The following TCF20 variants were observed in gnomAD, a reference collection of about 807,000 sequenced individuals.
TCF20 encodes SPRE-binding protein.
A neutral mutation model predicts 148.6 loss-of-function variants in TCF20; 3 were observed. The ratio of observed to expected loss-of-function variants is 0.02; its 90% CI spans 0.01 to 0.05. The LOEUF (loss-of-function observed/expected upper bound fraction) is 0.05. Ranked by LOEUF, TCF20 falls within the 10% of genes least tolerant of loss-of-function variation. TCF20 has a pLI of 1.00. For missense variants in TCF20, 2,350 were observed against 2,429.3 expected, an observed-to-expected ratio of 0.97 and a Z score of 0.69; for synonymous variants, 1,049 against 909.5, an observed-to-expected ratio of 1.15 and a Z score of -2.76.
chr22:42,225,608 G>A (rs1469370799), intron 1 of TCF20, among the ~76,000 whole-genome samples: 5 of 134,936 alleles, frequency 3.7e-5, no homozygotes, highest in African/African-American at 5.7e-5. Flanking sequence ...GCGACAGAGC[G>A]AGACTCCGTC....
At chr22:42,305,930 G>C (rs1927423428) in intron 1 of TCF20, among the ~76,000 whole-genome samples, 1 of 152,180 alleles carries the variant, frequency 6.6e-6, no homozygotes, top group Non-Finnish European at 1.5e-5. Context: ...GGGTGCTCCT[G>C]GGGGCTCGGA....
chr22:42,325,078 G>T (rs1291814312), intron 1 of TCF20, among the ~76,000 whole-genome samples: 1 of 152,268 alleles, frequency 6.6e-6, no homozygotes. Context: ...CGGGTGGGAG[G>T]ATGCTGAGCT....
At chr22:42,186,212 T>G (rs902377863) in intron 2 of TCF20, among the ~76,000 whole-genome samples, 27 of 152,186 alleles carry the variant, frequency 1.8e-4, no homozygotes, top group Admixed American at 1.6e-3. Context: ...GTGCATACTG[T>G]CCAGGTATGA....
chr22:42,193,160 G>A (rs1937421985), intron 2 of TCF20, among the ~76,000 whole-genome samples: 1 of 143,254 alleles, frequency 7.0e-6, no homozygotes, highest in South Asian at 2.1e-4. Flanking sequence ...CAACAGAAAA[G>A]GAAAAAGGAA....
intron 1 of TCF20, among the ~76,000 whole-genome samples, chr22:42,309,150 G>A (rs992507103): frequency 2.6e-5 from 4 of 152,148 alleles, no homozygotes; most frequent in African/African-American, 9.7e-5. Flanking sequence ...TGCAAATGAG[G>A]AGACAGATAA....
In TCF20 at chr22:42,160,043, GATT is replaced by G. The variant is rs1935317730; in HGVS notation, c.*1357_*1359del. 1 of 152,438 alleles carries G rather than the reference GATT, an allele frequency of 6.6e-6. No individual in the cohort carries two copies. Among genetic ancestry groups the G allele is most frequent in the Admixed American group, 6.6e-5 (1 of 15,266 alleles). 9.4% of individuals were successfully genotyped at this position (152,438 alleles called of 1,614,324 possible). A position where few individuals can be genotyped will look rare whatever the true frequency, so the allele number is the denominator to read the frequency against. On this transcript the variant is annotated 3_prime_UTR_variant, in exon 6 of 6. Coordinates refer to ENST00000677622, the MANE Select transcript of TCF20 (RefSeq NM_001378418.1). ...TTAAAATGAAGTTTATTATTTTTTT[GATT>G]TTTTGATTTTTTTTGTTTTTTGTTT... is the stretch of plus-strand genomic sequence containing the variant.
intron 1 of TCF20, among the ~76,000 whole-genome samples, chr22:42,251,630 G>A (rs533457184): frequency 4.1e-5 from 6 of 145,822 alleles, no homozygotes; most frequent in African/African-American, 1.3e-4. Flanking sequence ...AGCATCCCGA[G>A]TAGCGGGGAC....
intron 5 of TCF20, 114 bp from the exon 6 acceptor site, chr22:42,161,472 C>T (rs1935456771): frequency 7.3e-7 from 1 of 1,376,526 alleles, no homozygotes; most frequent in Non-Finnish European, 1.0e-6. Flanking sequence ...GCACTCACGC[C>T]CCTCTGCAGA....
At chr22:42,221,184 C>T (rs1922325569) in intron 1 of TCF20, among the ~76,000 whole-genome samples, 1 of 152,162 alleles carries the variant, frequency 6.6e-6, no homozygotes, top group Non-Finnish European at 1.5e-5. Context: ...ATGATATTCC[C>T]TGGAGGTAGA....
chr22:42,234,157 A>C (rs1019044109), intron 1 of TCF20, among the ~76,000 whole-genome samples: 2 of 152,236 alleles, frequency 1.3e-5, no homozygotes, highest in Admixed American at 1.3e-4. Context: ...AGTCGAGTCC[A>C]AACAAAAACA....
chr22:42,269,174 T>C (rs1926454334), intron 1 of TCF20, among the ~76,000 whole-genome samples: 1 of 152,060 alleles, frequency 6.6e-6, no homozygotes, highest in Non-Finnish European at 1.5e-5. Context: ...TGTATAAAAC[T>C]CTTCACTCTT....
chr22:42,175,742 T>C (rs964813314), intron 3 of TCF20, among the ~76,000 whole-genome samples: 2 of 152,004 alleles, frequency 1.3e-5, no homozygotes, highest in South Asian at 2.1e-4. Context: ...ATGAAAACAT[T>C]TGGAGGAAAA....
At chr22:42,316,045 T>A (rs767736651) in intron 1 of TCF20, among the ~76,000 whole-genome samples, 4 of 147,646 alleles carry the variant, frequency 2.7e-5, no homozygotes, top group Admixed American at 1.4e-4. Context: ...GAGGCGGAGG[T>A]TGCAGTGAGC....
intron 1 of TCF20, among the ~76,000 whole-genome samples, chr22:42,283,675 G>A (rs1219012668): frequency 6.6e-6 from 1 of 151,852 alleles, no homozygotes; most frequent in Non-Finnish European, 1.5e-5. Context: ...GGAGGCCCCT[G>A]CCCAGCCCTG....
chr22:42,248,921 C>A (rs1569184526), intron 1 of TCF20, among the ~76,000 whole-genome samples: 1 of 152,116 alleles, frequency 6.6e-6, no homozygotes, highest in African/African-American at 2.4e-5. Flanking sequence ...ACAGGAACAC[C>A]TAGAAACCTG....
At chr22:42,273,600 C>G (rs1001881221), upstream of TCF20, among the ~76,000 whole-genome samples, 5 of 151,656 alleles carry the variant, frequency 3.3e-5, no homozygotes, top group Non-Finnish European at 7.4e-5. Flanking sequence ...TCCTGTTTTT[C>G]CTACCACACT....
At chr22:42,170,577 G>A (rs1249736456) in intron 3 of TCF20, among the ~76,000 whole-genome samples, 9 of 122,056 alleles carry the variant, frequency 7.4e-5, no homozygotes, top group Admixed American at 1.0e-4. Context: ...GCAGTGAGCC[G>A]AGATCACACC....
chr22:42,276,350 T>C (rs1926778958), intron 1 of TCF20: 2 of 152,182 alleles, frequency 1.3e-5, no homozygotes, highest in African/African-American at 4.8e-5. Context: ...GCCTCCATTT[T>C]CACAAGTGAA....
intron 1 of TCF20, among the ~76,000 whole-genome samples, chr22:42,330,782 G>C (rs571660306): frequency 6.6e-6 from 1 of 152,214 alleles, no homozygotes; most frequent in East Asian, 1.9e-4. Flanking sequence ...GGAGGCAACA[G>C]TTCAGCCTGA....
Sources: allele counts gnomAD v4.1 joint callset (sites outside exome capture counted in the v4.1 genomes callset), GRCh38; gene constraint gnomAD v4.1.1; transcripts MANE v1.5; gene names NCBI Gene and HGNC (gene_info 2026-07-23, HGNC 2026-07-21).